Variants in GSN observed in about 807,000 individuals in gnomAD.
GSN encodes the protein gelsolin, also known as actin-depolymerizing factor.
A neutral mutation model predicts 85.7 loss-of-function variants in GSN; 56 were observed. The observed-to-expected ratio is 0.65, with a 90% CI of 0.53 to 0.82. The LOEUF (loss-of-function observed/expected upper bound fraction) is 0.82. Among genes scored for constraint, GSN ranks in the 40% least tolerant of loss-of-function variants. The pLI is 0.00. For synonymous variants in GSN, 373 were observed against 399.1 expected (o/e 0.93, Z 0.78); for missense variants, 857 against 979.8 (o/e 0.87, Z 1.67).
chr9:121,281,827 G>A (rs1335096842), intron 2 of GSN: 1 of 471,248 alleles, frequency 2.1e-6, no homozygotes, highest in South Asian at 1.5e-5. Flanking sequence ...CCCTGGCTGT[G>A]CTGGTTGCTT....
At position 121,299,727 on chromosome 9, in the gene GSN, G is replaced by T; in HGVS notation, c.-9-2236G>T. The T allele has an allele frequency of 9.5e-7, 1 of 1,052,696 alleles. No individual in the cohort carries two copies. The highest frequency in any genetic ancestry group is 1.2e-6 in the Non-Finnish European group (1 of 842,108). The allele number at this position is 1,052,696 out of a possible 1,614,324, so 65.2% of individuals were successfully genotyped here. On this transcript the variant is annotated intron_variant, in intron 2 of 17. Transcript: ENST00000432226. The surrounding 1 kb of genome is among the most constrained non-coding windows in gnomAD (Gnocchi z 4.2). ...CGGGTGGGAACCCAGATGTCTCCAA[G>T]ATCCGAGACAGATCCCCGCCCCGCG...
At chr9:121,322,854 A>G (rs1408288161) in intron 11 of GSN, among the ~76,000 whole-genome samples, 2 of 146,008 alleles carry the variant, frequency 1.4e-5, no homozygotes, top group Non-Finnish European at 3.0e-5. Flanking sequence ...TTTTTGAGAC[A>G]GGGTCTTGCT....
intron 4 of GSN, among the ~76,000 whole-genome samples, chr9:121,228,215 C>T (rs2054307222): frequency 6.6e-6 from 1 of 151,820 alleles, no homozygotes; most frequent in African/African-American, 2.4e-5. Flanking sequence ...GTCCCCAGCT[C>T]CTAGCACAGA....
chr9:121,328,944 C>T lies in GSN; in HGVS notation c.1816C>T (p.Leu606=), dbSNP rs771618577. The T allele has an allele frequency of 1.9e-6, 3 of 1,613,908 alleles. No homozygotes were observed. The South Asian group carries it at 3.3e-5, about 18-fold the overall frequency. ...GGCTGCCTACCGCACATCCCCACGG[C>T]TGAAGGACAAGAAGATGGATGCCCA... ...GKAAYRTSPR[L]KDKKMDAHPP... Residue 606 remains leucine, a synonymous_variant, in exon 15 of 18, where the codon CTG becomes TTG. Coordinates refer to ENST00000432226, the MANE Select transcript of GSN (RefSeq NM_198252.3).
intron 5 of GSN, among the ~76,000 whole-genome samples, chr9:121,240,967 T>A (rs914122813): frequency 6.6e-6 from 1 of 152,334 alleles, no homozygotes; most frequent in Non-Finnish European, 1.5e-5. Context: ...TTGGCTTTTT[T>A]AAATATTTGC....
intron 5 of GSN, among the ~76,000 whole-genome samples, chr9:121,245,449 T>C (rs879337278): frequency 3.3e-5 from 5 of 152,192 alleles, no homozygotes; most frequent in Non-Finnish European, 5.9e-5. Flanking sequence ...CTTGACCTCC[T>C]GGGCTCAAGC....
Position 121,286,140 on chromosome 9 carries a change from C to T in GSN, c.-10+4578C>T, listed in dbSNP as rs752583145. On this transcript the variant is annotated intron_variant, in intron 2 of 17. Transcript: ENST00000432226. The stretch of plus-strand genomic sequence containing the variant: ...AGGCCCACATAGCTCCCCCCAGCCT[C>T]GCGATGGCCGAGGAAGAAGCCCTCA... 7.8e-6 allele frequency: 12 copies of T among 1,535,522 alleles called. No homozygotes were observed. In the South Asian group the frequency reaches 9.5e-5, roughly 12 times the overall value.
At chr9:121,225,255 C>T (rs1028534586) in intron 4 of GSN, among the ~76,000 whole-genome samples, 37 of 127,568 alleles carry the variant, frequency 2.9e-4, no homozygotes, top group Non-Finnish European at 5.4e-4. Flanking sequence ...GTCTACATGA[C>T]AAAACAAAAA....
At chr9:121,292,302 C>G (rs2058771362) in intron 2 of GSN, among the ~76,000 whole-genome samples, 2 of 152,184 alleles carry the variant, frequency 1.3e-5, no homozygotes, top group African/African-American at 4.8e-5. Flanking sequence ...AAGGCTGGCT[C>G]TGTAGGTGTT....
chr9:121,324,533 G>T, intron 11 of GSN, 21 bp from the exon 12 acceptor site: 1 of 1,334,284 alleles, frequency 7.5e-7, no homozygotes, highest in Non-Finnish European at 1.1e-6. Context: ...CCCTGATGCT[G>T]AATCTCACTT....
chr9:121,302,981 CG>C lies in GSN; in HGVS notation c.269del (p.Gly90AlafsTer18), dbSNP rs781506692. ...CCGTGCAGCTGGATGACTACCTGAA[CG>C]GCCGGGCCGTGCAGCACCGTGAGGT... ...FTVQLDDYLN[G>X]RAVQHREVQG... On this transcript the variant is annotated frameshift_variant, in exon 4 of 18. Coordinates refer to ENST00000432226, the MANE Select transcript of GSN (RefSeq NM_198252.3). LOFTEE classifies it high-confidence loss of function. 3 of 1,613,952 alleles carry C rather than the reference CG, an allele frequency of 1.9e-6. No individual in the cohort carries two copies. The South Asian group carries it at 3.3e-5, about 18-fold the overall frequency.
At chr9:121,237,583 A>G (rs2054521268) in intron 5 of GSN, among the ~76,000 whole-genome samples, 1 of 152,086 alleles carries the variant, frequency 6.6e-6, no homozygotes, top group African/African-American at 2.4e-5. Flanking sequence ...CCAACCAACC[A>G]AGCAACCAAA....
At chr9:121,225,255 CAAAACA>C (rs2054251644) in intron 4 of GSN, among the ~76,000 whole-genome samples, 1 of 127,568 alleles carries the variant, frequency 7.8e-6, no homozygotes, top group African/African-American at 2.9e-5. Flanking sequence ...GTCTACATGA[CAAAACA>C]AAAACAAATT....
At chr9:121,331,850 T>C (rs2063945890) in intron 17 of GSN, 1 of 191,716 alleles carries the variant, frequency 5.2e-6, no homozygotes, top group African/African-American at 2.4e-5. Flanking sequence ...GCCCAGGAGT[T>C]TGAAAGCAGC....
intron 4 of GSN, among the ~76,000 whole-genome samples, chr9:121,211,352 G>T (rs1236559550): frequency 6.6e-6 from 1 of 152,082 alleles, no homozygotes; most frequent in Non-Finnish European, 1.5e-5. Context: ...ACATAAAAAA[G>T]CATATGACAG....
At chr9:121,312,699 C>T (rs1305910884) in intron 6 of GSN, 7 of 436,396 alleles carry the variant, frequency 1.6e-5, no homozygotes, top group Admixed American at 3.9e-5. Context: ...GCCATCACAG[C>T]TCACTGCAGC....
At chr9:121,326,886 C>A in intron 13 of GSN, 1 of 737,592 alleles carries the variant, frequency 1.4e-6, no homozygotes, top group Non-Finnish European at 2.5e-6. Context: ...GTCCCTTGCA[C>A]ACTTTGCACA....
chr9:121,235,122 G>T (rs143552845), intron 5 of GSN, among the ~76,000 whole-genome samples: 290 of 152,296 alleles, frequency 1.9e-3, no homozygotes, highest in African/African-American at 6.8e-3. Flanking sequence ...CATGCCGTTG[G>T]CTGTCACTGA....
chr9:121,273,402 T>C (rs2056254230), intron 1 of GSN, among the ~76,000 whole-genome samples: 1 of 152,128 alleles, frequency 6.6e-6, no homozygotes. Flanking sequence ...CTAGTTAACT[T>C]GTTGGGTGTG....
Sources: allele counts gnomAD v4.1 joint callset (sites outside exome capture counted in the v4.1 genomes callset), GRCh38; gene constraint gnomAD v4.1.1; non-coding constraint Gnocchi (gnomAD v3.1); transcripts MANE v1.5; gene names NCBI Gene and HGNC (gene_info 2026-07-23, HGNC 2026-07-21).